The following CCDC85A variants were observed in gnomAD, a reference collection of about 807,000 sequenced individuals.
CCDC85A encodes coiled-coil domain-containing protein 85A.
Under a neutral mutation model 50.2 loss-of-function variants are expected in CCDC85A, and 38 were observed. The observed-to-expected ratio is 0.76, with a 90% CI of 0.58 to 0.99. The LOEUF is 0.99. Among genes scored for constraint, CCDC85A ranks in the 50% least tolerant of loss-of-function variants. The pLI is 0.00. For missense variants in CCDC85A, 820 were observed against 742.0 expected (o/e 1.11, Z -1.22); for synonymous variants, 366 against 301.4 (o/e 1.21, Z -2.22).
chr2:56,352,431 C>T (rs921322891), intron 3 of CCDC85A, among the ~76,000 whole-genome samples: 16 of 152,190 alleles, frequency 1.1e-4, no homozygotes, highest in East Asian at 3.9e-4. Flanking sequence ...CTGCAATCTC[C>T]GCCTCCCTGG....
At chr2:56,190,420 C>G (rs947101320) in intron 1 of CCDC85A, among the ~76,000 whole-genome samples, 3 of 152,198 alleles carry the variant, frequency 2.0e-5, no homozygotes, top group Non-Finnish European at 4.4e-5. Flanking sequence ...GTTCTCCATA[C>G]ACAGAAGTAC....
intron 2 of CCDC85A, among the ~76,000 whole-genome samples, chr2:56,305,321 T>C (rs942671072): frequency 2.6e-5 from 4 of 152,186 alleles, no homozygotes; most frequent in Non-Finnish European, 5.9e-5. Context: ...AACAAGCATG[T>C]GAGGTAAGTA....
At chr2:56,252,061 T>A (rs1428779335) in intron 2 of CCDC85A, among the ~76,000 whole-genome samples, 3 of 151,992 alleles carry the variant, frequency 2.0e-5, no homozygotes, top group Non-Finnish European at 4.4e-5. Flanking sequence ...ATTTTTTTTT[T>A]TTTTTGAAAT....
intron 2 of CCDC85A, among the ~76,000 whole-genome samples, chr2:56,330,258 T>C: frequency 6.6e-6 from 1 of 152,138 alleles, no homozygotes; most frequent in African/African-American, 2.4e-5. Flanking sequence ...AGTCCCCAGT[T>C]CTGTCGCCCA....
chr2:56,311,078 G>A (rs1350406457), intron 2 of CCDC85A, among the ~76,000 whole-genome samples: 2 of 152,064 alleles, frequency 1.3e-5, no homozygotes, highest in African/African-American at 2.4e-5. Context: ...CTACATGCTG[G>A]TGTTTTGACT....
rs58439265 is a variant in CCDC85A at position 56,266,578 on chromosome 2, GCCC to G, written c.1240+73148_1240+73150del. ...TATAATTGTCAATTAACAATAACGC[GCCC>G]CCCCCCCCCATAATCTTCTTCCTCC... On this transcript the variant is annotated intron_variant, in intron 2 of 5. Coordinates refer to ENST00000407595, the MANE Select transcript of CCDC85A (RefSeq NM_001080433.2). 4.3e-4 allele frequency among the ~76,000 whole-genome samples: 26 copies of G among 60,346 alleles called. 2 individuals carry two copies. Among genetic ancestry groups the G allele is most frequent in the Admixed American group, 1.6e-3 (5 of 3,176 alleles). The allele number at this position is 60,346 out of a possible 152,430, so 39.6% of individuals were successfully genotyped here.
chr2:56,286,612 A>G (rs1447027729), intron 2 of CCDC85A, among the ~76,000 whole-genome samples: 4 of 152,136 alleles, frequency 2.6e-5, no homozygotes, highest in East Asian at 1.9e-4. Context: ...GTTCATTTAT[A>G]TGTCCATATT....
At chr2:56,272,010 T>G (rs1156959608) in intron 2 of CCDC85A, among the ~76,000 whole-genome samples, 1 of 151,954 alleles carries the variant, frequency 6.6e-6, no homozygotes. Context: ...TAGTGAGGAG[T>G]GTTCATTTCC....
intron 2 of CCDC85A, among the ~76,000 whole-genome samples, chr2:56,194,575 A>C (rs1676452963): frequency 6.6e-6 from 1 of 152,202 alleles, no homozygotes; most frequent in Non-Finnish European, 1.5e-5. Context: ...GGTAAATTTC[A>C]ATATTGTATT....
intron 2 of CCDC85A, among the ~76,000 whole-genome samples, chr2:56,235,917 A>G (rs564013025): frequency 2.0e-5 from 3 of 152,278 alleles, no homozygotes; most frequent in African/African-American, 7.2e-5. Flanking sequence ...CTGGTAGAGG[A>G]TATGTGTTTG....
intron 3 of CCDC85A, among the ~76,000 whole-genome samples, chr2:56,348,384 T>C (rs1674737105): frequency 6.6e-6 from 1 of 152,146 alleles, no homozygotes; most frequent in Non-Finnish European, 1.5e-5. Context: ...ACATACCTGT[T>C]TGAAAGGCAT....
intron 2 of CCDC85A, among the ~76,000 whole-genome samples, chr2:56,265,316 C>CTTAA (rs1308556896): frequency 6.6e-6 from 1 of 152,186 alleles, no homozygotes; most frequent in African/African-American, 2.4e-5. Context: ...TGCCTGTGTT[C>CTTAA]TTAACACAGC....
intron 3 of CCDC85A, among the ~76,000 whole-genome samples, chr2:56,368,634 C>A (rs535903283): frequency 1.1e-3 from 168 of 152,192 alleles, no homozygotes; most frequent in African/African-American, 3.8e-3. Flanking sequence ...GCTGATCAAT[C>A]TTCAGGCTTC....
intron 2 of CCDC85A, among the ~76,000 whole-genome samples, chr2:56,206,521 G>T (rs1487169140): frequency 6.6e-6 from 1 of 152,060 alleles, no homozygotes; most frequent in East Asian, 1.9e-4. Flanking sequence ...AGGCAAGAGG[G>T]CAAGAGGGCA....
intron 2 of CCDC85A, among the ~76,000 whole-genome samples, chr2:56,257,923 T>A (rs1670056988): frequency 6.6e-6 from 1 of 152,190 alleles, no homozygotes; most frequent in Non-Finnish European, 1.5e-5. Flanking sequence ...GGTGGTAAGA[T>A]GTTGACATCA....
chr2:56,273,876 A>T (rs1399656699), intron 2 of CCDC85A, among the ~76,000 whole-genome samples: 1 of 152,168 alleles, frequency 6.6e-6, no homozygotes, highest in African/African-American at 2.4e-5. Context: ...TTTGTTAGGC[A>T]TAAGGCATAT....
At chr2:56,197,049 T>C (rs1236405805) in intron 2 of CCDC85A, among the ~76,000 whole-genome samples, 1 of 152,120 alleles carries the variant, frequency 6.6e-6, no homozygotes, top group African/African-American at 2.4e-5. Flanking sequence ...TTAAACAAGG[T>C]CCATTTAGAA....
chr2:56,365,897 G>C (rs1472644883), intron 3 of CCDC85A, among the ~76,000 whole-genome samples: 1 of 152,090 alleles, frequency 6.6e-6, no homozygotes. Context: ...TCCTTTGACA[G>C]ACATTTCCTT....
intron 2 of CCDC85A, among the ~76,000 whole-genome samples, chr2:56,218,595 A>G (rs1013068508): frequency 6.6e-6 from 1 of 151,926 alleles, no homozygotes; most frequent in African/African-American, 2.4e-5. Context: ...ATGTCAATAA[A>G]TTTACATCTT....
Sources: allele counts gnomAD v4.1 joint callset (sites outside exome capture counted in the v4.1 genomes callset), GRCh38; gene constraint gnomAD v4.1.1; transcripts MANE v1.5; gene names NCBI Gene and HGNC (gene_info 2026-07-23, HGNC 2026-07-21).